Variants in MYCBP2 observed in about 807,000 individuals in gnomAD.
The protein encoded by MYCBP2 is MYC binding protein 2, also known as E3 ubiquitin-protein ligase MYCBP2.
In MYCBP2, 120 loss-of-function variants were observed where a neutral mutation model predicts 525.3. The ratio of observed to expected loss-of-function variants is 0.23; its 90% CI spans 0.20 to 0.27. MYCBP2 has a LOEUF of 0.27. Ranked by LOEUF, MYCBP2 falls within the 10% of genes least tolerant of loss-of-function variation. The pLI, the probability that MYCBP2 is intolerant of heterozygous loss-of-function variation, is 1.00. For synonymous variants in MYCBP2, 1,894 were observed against 1,955.8 expected (o/e 0.97, Z 0.83); for missense variants, 4,149 against 5,657.1 (o/e 0.73, Z 8.55).
intron 52 of MYCBP2, among the ~76,000 whole-genome samples, chr13:77,138,356 T>C (rs1400071522): frequency 6.6e-5 from 10 of 152,190 alleles, no homozygotes; most frequent in Admixed American, 6.5e-4. Context: ...AGAACATTAT[T>C]ATGGACAATC....
chr13:77,302,331 C>A (rs1380383247), intron 1 of MYCBP2, among the ~76,000 whole-genome samples: 2 of 117,138 alleles, frequency 1.7e-5, no homozygotes, highest in Non-Finnish European at 1.6e-5. Context: ...CTTAAAGGAA[C>A]AATAAAATTG....
intron 58 of MYCBP2, 71 bp from the exon 59 acceptor site, chr13:77,093,403 C>T (rs929277990): frequency 6.6e-5 from 89 of 1,343,900 alleles, no homozygotes; most frequent in Non-Finnish European, 9.0e-5. Flanking sequence ...TAATCTCTTT[C>T]ATAACAGGAA....
Position 77,241,857 on chromosome 13 carries a change from AT to A in MYCBP2, c.2629+1201del, listed in dbSNP as rs1426426817. On this transcript the variant is annotated intron_variant, in intron 17 of 82. Coordinates refer to ENST00000544440, the MANE Select transcript of MYCBP2 (RefSeq NM_015057.5). Reference sequence around the variant, plus strand: ...TAACAAAAAGAATAGCTAGAAAAAAATATAATGATGGTTAAATGGGTAAAAG... The same window carrying A: ...TAACAAAAAGAATAGCTAGAAAAAAAATAATGATGGTTAAATGGGTAAAAG... Among the ~76,000 whole-genome samples, 6 of 152,078 alleles carry A rather than the reference AT, an allele frequency of 3.9e-5. No homozygotes were observed. The South Asian group carries it at 1.0e-3, about 26-fold the overall frequency.
chr13:77,167,266 A>G (rs1169241792), intron 40 of MYCBP2, among the ~76,000 whole-genome samples: 7 of 152,186 alleles, frequency 4.6e-5, no homozygotes, highest in Non-Finnish European at 5.9e-5. Flanking sequence ...GTGTATGTAT[A>G]ACAGAAATCA....
At chr13:77,311,579 G>GT (rs1318098996) in intron 1 of MYCBP2, among the ~76,000 whole-genome samples, 1,386 of 100,428 alleles carry the variant, frequency 0.014, 22 homozygotes, top group African/African-American at 0.042. Flanking sequence ...TTTTTTTTTT[G>GT]TTTTTTTTTT....
chr13:77,207,853 A>G (rs1381395664), intron 23 of MYCBP2, among the ~76,000 whole-genome samples: 1 of 152,180 alleles, frequency 6.6e-6, no homozygotes, highest in African/African-American at 2.4e-5. Context: ...TAATAGAAAC[A>G]CATAGTTTCT....
chr13:77,126,994 A>G (rs1174308669), intron 52 of MYCBP2, among the ~76,000 whole-genome samples: 1 of 152,104 alleles, frequency 6.6e-6, no homozygotes, highest in Non-Finnish European at 1.5e-5. Context: ...TTATTTATAA[A>G]TAGAGAAAAC....
At chr13:77,112,896 T>C (rs1405463121) in intron 55 of MYCBP2, among the ~76,000 whole-genome samples, 4 of 152,170 alleles carry the variant, frequency 2.6e-5, no homozygotes, top group African/African-American at 9.6e-5. Flanking sequence ...CCTCTCCAGA[T>C]CTTGTATCTT....
intron 80 of MYCBP2, 26 bp downstream of exon 80, chr13:77,055,532 A>G (rs776455541): frequency 3.1e-6 from 5 of 1,588,744 alleles, no homozygotes; most frequent in Non-Finnish European, 4.3e-6. Flanking sequence ...AGTTTTTAAA[A>G]CTTCTCAGTA....
chr13:77,083,198 G>T lies in MYCBP2; in HGVS notation c.10876-6C>A. 6.2e-7 allele frequency: 1 copy of T among 1,610,232 alleles called. No homozygotes were observed. The highest frequency in any genetic ancestry group is 8.5e-7 in the Non-Finnish European group (1 of 1,177,952). On this transcript the variant is annotated splice_polypyrimidine_tract_variant and splice_region_variant and intron_variant, in intron 62 of 82. Coordinates refer to ENST00000544440, the MANE Select transcript of MYCBP2 (RefSeq NM_015057.5). ...CATACTCTTGTATCTTTCTCCTAAG[G>T]CAGAAATTGAAACAAGTTTATCAGT...
chr13:77,056,914 A>G (rs960193886), intron 79 of MYCBP2, 72 bp downstream of exon 79: 1 of 1,169,506 alleles, frequency 8.6e-7, no homozygotes, highest in African/African-American at 1.5e-5. Flanking sequence ...ATACTGACAT[A>G]TGTTTATTTT....
Position 77,273,482 on chromosome 13 carries a change from T to C in MYCBP2, c.935A>G (p.Gln312Arg), listed in dbSNP as rs1319311773. ...ATAAATATGAAATACCTGAATAGTT[T>C]GGCAAGCATGGCTTCCATTGTTGGT... ...ILTNNGSHACQTIQVPTILNS... is the reference protein window; with the variant it reads ...ILTNNGSHACRTIQVPTILNS... Residue 312 changes from glutamine (Q) to arginine (R), a missense_variant, in exon 5 of 83, where the codon CAA (glutamine) becomes CGA (arginine). Physicochemically the swap from Gln to Arg is conservative, Grantham distance 43. Transcript: ENST00000544440. 6.3e-7 allele frequency: 1 copy of C among 1,584,222 alleles called. No individual in the cohort carries two copies.
Position 77,084,458 on chromosome 13 carries a change from T to C in MYCBP2, c.10876-1266A>G, listed in dbSNP as rs2043864213. 2.6e-5 allele frequency among the ~76,000 whole-genome samples: 4 copies of C among 152,200 alleles called. No individual in the cohort carries two copies. In the South Asian group the frequency reaches 8.3e-4, roughly 32 times the overall value. On this transcript the variant is annotated intron_variant, in intron 62 of 82. Transcript: ENST00000544440. ...CTGATATAGAAGTTCTGGTTTATAT[T>C]GTCTTCTAAAGAATGTAGTTTTGTT...
intron 46 of MYCBP2, among the ~76,000 whole-genome samples, chr13:77,152,320 G>T (rs1018849614): frequency 3.3e-5 from 5 of 152,092 alleles, no homozygotes; most frequent in Non-Finnish European, 7.4e-5. Flanking sequence ...ACAGGTATAT[G>T]GTTAAAATTT....
chr13:77,200,912 C>A (rs1468470040), intron 26 of MYCBP2, among the ~76,000 whole-genome samples: 10 of 151,810 alleles, frequency 6.6e-5, no homozygotes, highest in Non-Finnish European at 1.0e-4. Context: ...TGGAAAGGAA[C>A]AACCGGTACC....
At chr13:77,315,127 C>A (rs901787749) in intron 1 of MYCBP2, among the ~76,000 whole-genome samples, 1 of 152,154 alleles carries the variant, frequency 6.6e-6, no homozygotes, top group Non-Finnish European at 1.5e-5. Context: ...AACGCTCTAA[C>A]TATTAAAGAA....
At chr13:77,092,032 C>T (rs561688917) in intron 59 of MYCBP2, among the ~76,000 whole-genome samples, 5 of 147,956 alleles carry the variant, frequency 3.4e-5, no homozygotes, top group South Asian at 2.1e-4. Context: ...GAAATTCTGA[C>T]GAGTAATCCA....
intron 55 of MYCBP2, chr13:77,099,774 C>T (rs1213852453): frequency 6.6e-6 from 1 of 152,078 alleles, no homozygotes; most frequent in East Asian, 1.9e-4. Flanking sequence ...AACAAGGAGT[C>T]AGGAGAATGA....
Position 77,101,959 on chromosome 13 carries a change from C to T in MYCBP2, c.8141-2946G>A, listed in dbSNP as rs573107338. On this transcript the variant is annotated intron_variant, in intron 55 of 82. Transcript: ENST00000544440. ...TACGTAATACTTTCACATTCATCTC[C>T]TAATTTATTTAATGACTGTACTTTT... 1.1e-4 allele frequency among the ~76,000 whole-genome samples: 16 copies of T among 152,024 alleles called. No homozygotes were observed. In the South Asian group the frequency reaches 2.5e-3, roughly 24 times the overall value.
Sources: gnomAD v4.1 joint callset for allele counts (sites outside exome capture counted in the v4.1 genomes callset) on GRCh38, gnomAD v4.1.1 for gene constraint, MANE v1.5 for transcripts, NCBI Gene and HGNC (gene_info 2026-07-23, HGNC 2026-07-21) for gene names.